LDAH: variants seen among roughly 807,000 people sequenced by gnomAD.
The protein encoded by LDAH is lipid droplet-associated hydrolase.
Under a neutral mutation model 29.6 loss-of-function variants are expected in LDAH, and 26 were observed. The observed-to-expected ratio is 0.88, with a 90% CI of 0.64 to 1.22. LDAH has a LOEUF of 1.22. Among genes scored for constraint, LDAH ranks in the 50% most tolerant of loss-of-function variants. LDAH has a pLI of 0.00. For missense variants in LDAH, 344 were observed against 387.3 expected (o/e 0.89, Z 0.94); for synonymous variants, 117 against 133.0 (o/e 0.88, Z 0.83).
intron 6 of LDAH, among the ~76,000 whole-genome samples, chr2:20,689,427 G>A (rs960782291): frequency 6.6e-6 from 1 of 152,208 alleles, no homozygotes; most frequent in Non-Finnish European, 1.5e-5. Context: ...GAGCCTAGCA[G>A]TTGCCTAGTT....
At chr2:20,816,609 A>C (rs779778953) in intron 1 of LDAH, among the ~76,000 whole-genome samples, 1 of 152,096 alleles carries the variant, frequency 6.6e-6, no homozygotes, top group Non-Finnish European at 1.5e-5. Context: ...AAACCAACAG[A>C]GCTCAAAGGA....
chr2:20,804,278 G>A (rs1027215497), intron 1 of LDAH, among the ~76,000 whole-genome samples: 2 of 152,096 alleles, frequency 1.3e-5, no homozygotes, highest in Admixed American at 6.5e-5. Context: ...ACACATTGAT[G>A]GTAATCATAA....
chr2:20,710,583 G>GA (rs1664643426), intron 5 of LDAH, among the ~76,000 whole-genome samples: 1 of 107,500 alleles, frequency 9.3e-6, no homozygotes, highest in Non-Finnish European at 2.0e-5. Flanking sequence ...TATATATATA[G>GA]GGGTGTGTGT....
chr2:20,768,643 C>T (rs918250750), intron 4 of LDAH, among the ~76,000 whole-genome samples: 17 of 152,122 alleles, frequency 1.1e-4, no homozygotes, highest in Non-Finnish European at 1.8e-4. Context: ...CCAGTGGGCC[C>T]GAGCAAAACT....
At chr2:20,699,646 TAGA>T (rs1302440398) in intron 6 of LDAH, among the ~76,000 whole-genome samples, 1 of 152,184 alleles carries the variant, frequency 6.6e-6, no homozygotes, top group African/African-American at 2.4e-5. Flanking sequence ...CCCCATATTC[TAGA>T]AGTATATTTA....
At position 20,765,773 on chromosome 2, in the gene LDAH, C is replaced by T. The variant is rs115665655; in HGVS notation, c.468+9037G>A. Among the ~76,000 whole-genome samples, 266 of 152,238 alleles carry T rather than the reference C, an allele frequency of 1.7e-3. 1 individual carries two copies. The highest frequency in any genetic ancestry group is 6.0e-3 in the African/African-American group (249 of 41,538). The stretch of plus-strand genomic sequence containing the variant: ...CTCAGCCTCGTGGTCTCAGGGCAGT[C>T]GGCTTTCTTACACAGCAGCTGGCTT... On this transcript the variant is annotated intron_variant, in intron 4 of 6. Coordinates refer to ENST00000237822, the MANE Select transcript of LDAH (RefSeq NM_021925.4).
Position 20,774,918 on chromosome 2 carries a change from T to C in LDAH, c.360A>G (p.Leu120=). The C allele has an allele frequency of 1.9e-6, 3 of 1,613,684 alleles. No homozygotes were observed. The highest frequency in any genetic ancestry group is 2.5e-6 in the Non-Finnish European group (3 of 1,179,924). ...TTGGCACATGAGTTCTCAGGAAAGC[T>C]AGTTTGTGCTCTATTTGTCCATTTA... ...YGLNGQIEHK[L]AFLRTHVPKD... The change falls in exon 4 of 7, where the codon CTA becomes CTG. Residue 120 remains leucine, a synonymous_variant. Coordinates refer to ENST00000237822, the MANE Select transcript of LDAH (RefSeq NM_021925.4).
chr2:20,790,173 G>GT, intron 3 of LDAH, 82 bp downstream of exon 3: 4 of 1,448,912 alleles, frequency 2.8e-6, no homozygotes, highest in Non-Finnish European at 3.8e-6. Context: ...TTCCACTGGT[G>GT]TAACTCTTAA....
rs936683506 is a variant in LDAH, at chr2:20,684,576, C to T, written c.*2327G>A. On this transcript the variant is annotated 3_prime_UTR_variant, in exon 7 of 7. Coordinates refer to ENST00000237822, the MANE Select transcript of LDAH (RefSeq NM_021925.4). ...AATATAATGTAGGATGAAGAAAAATCAAGCCTTTGGTGGTCCGTGTCTCTC... is the reference window on the plus strand; with the variant it reads ...AATATAATGTAGGATGAAGAAAAATTAAGCCTTTGGTGGTCCGTGTCTCTC... 8 of 236,634 alleles carry T rather than the reference C, an allele frequency of 3.4e-5. No individual in the cohort carries two copies. Among genetic ancestry groups the T allele is most frequent in the Middle Eastern group, 1.3e-3 (1 of 800 alleles). The allele number at this position is 236,634 out of a possible 1,614,324, so 14.7% of individuals were successfully genotyped here. A position where few individuals can be genotyped will look rare whatever the true frequency, so the allele number is the denominator to read the frequency against.
At chr2:20,794,073 A>C (rs889622332) in intron 2 of LDAH, among the ~76,000 whole-genome samples, 14 of 151,680 alleles carry the variant, frequency 9.2e-5, no homozygotes, top group African/African-American at 2.9e-4. Context: ...ATGGACTCAC[A>C]GTTCCACATG....
At chr2:20,733,615 GCTGGTCTTGAACTC>G (rs971238943) in intron 5 of LDAH, among the ~76,000 whole-genome samples, 2 of 151,908 alleles carry the variant, frequency 1.3e-5, no homozygotes, top group Non-Finnish European at 2.9e-5. Flanking sequence ...TGTTGCCCAG[GCTGGTCTTGAACTC>G]CTGGACTCAA....
intron 5 of LDAH, among the ~76,000 whole-genome samples, chr2:20,730,935 G>A (rs1038932857): frequency 6.6e-6 from 1 of 152,004 alleles, no homozygotes; most frequent in Non-Finnish European, 1.5e-5. Context: ...ACAAAGTTTT[G>A]ATTACTGTAG....
intron 1 of LDAH, among the ~76,000 whole-genome samples, chr2:20,802,915 C>T (rs1235974653): frequency 6.6e-6 from 1 of 152,116 alleles, no homozygotes; most frequent in Non-Finnish European, 1.5e-5. Context: ...TCTGTCAATA[C>T]AGTGCACTGG....
chr2:20,803,158 G>A (rs1671821863), intron 1 of LDAH, among the ~76,000 whole-genome samples: 1 of 152,194 alleles, frequency 6.6e-6, no homozygotes, highest in African/African-American at 2.4e-5. Context: ...ACAATACACA[G>A]GACAGCTCCC....
At chr2:20,762,601 A>G (rs1461747794) in intron 4 of LDAH, among the ~76,000 whole-genome samples, 4 of 152,184 alleles carry the variant, frequency 2.6e-5, no homozygotes, top group Non-Finnish European at 5.9e-5. Flanking sequence ...CAATATAAAC[A>G]GACATCATTA....
At chr2:20,763,013 C>T (rs1668794750) in intron 4 of LDAH, among the ~76,000 whole-genome samples, 1 of 152,172 alleles carries the variant, frequency 6.6e-6, no homozygotes. Context: ...ACATCTGATA[C>T]CATCTTAGAA....
intron 4 of LDAH, among the ~76,000 whole-genome samples, chr2:20,759,841 C>T (rs1668558919): frequency 6.6e-6 from 1 of 152,180 alleles, no homozygotes; most frequent in Non-Finnish European, 1.5e-5. Flanking sequence ...TATATCCACA[C>T]AAATGCAAGG....
At chr2:20,795,763 A>G (rs1056603526) in intron 2 of LDAH, among the ~76,000 whole-genome samples, 5 of 152,204 alleles carry the variant, frequency 3.3e-5, no homozygotes, top group Non-Finnish European at 5.9e-5. Flanking sequence ...AATTATCATT[A>G]CTAACTTAGA....
intron 6 of LDAH, among the ~76,000 whole-genome samples, chr2:20,691,349 T>A (rs1442304646): frequency 3.7e-5 from 1 of 26,948 alleles, no homozygotes; most frequent in Non-Finnish European, 6.6e-5. Flanking sequence ...TAATTTTTAA[T>A]TTTTTTTTGT....
Sources: allele counts gnomAD v4.1 joint callset (sites outside exome capture counted in the v4.1 genomes callset), GRCh38; gene constraint gnomAD v4.1.1; transcripts MANE v1.5; gene names NCBI Gene and HGNC (gene_info 2026-07-23, HGNC 2026-07-21).